Variants in PDE1A observed in about 807,000 individuals in gnomAD.
The protein encoded by PDE1A is phosphodiesterase 1A.
Under a neutral mutation model 61.7 loss-of-function variants are expected in PDE1A, and 35 were observed. The observed-to-expected ratio is 0.57, with a 90% CI of 0.43 to 0.75. PDE1A has a LOEUF of 0.75. PDE1A is among the 30% of genes least tolerant of loss of function. The pLI is 0.00. For missense variants in PDE1A, 597 were observed against 630.6 expected (o/e 0.95, Z 0.57); for synonymous variants, 232 against 213.2 (o/e 1.09, Z -0.77).
At chr2:182,142,534 T>G (rs1690276775), downstream of PDE1A, 1 of 152,204 alleles carries the variant, frequency 6.6e-6, no homozygotes, top group Non-Finnish European at 1.5e-5. Context: ...CCTGTCATTC[T>G]GTTCCCATGC....
At chr2:182,223,948 A>G in exon 7 of PDE1A, 1 of 1,603,780 alleles carries the variant, frequency 6.2e-7, no homozygotes, top group Non-Finnish European at 8.5e-7. Context: ...TAAAATTTCC[A>G]GTTCAGTGAG....
the PDE1A span, among the ~76,000 whole-genome samples, chr2:182,636,850 A>T: frequency 6.6e-6 from 1 of 152,172 alleles, no homozygotes; most frequent in African/African-American, 2.4e-5. Context: ...TGTTTGTAGC[A>T]TTAAGGTCCC....
chr2:182,218,877 C>A (rs549188208), intron 7 of PDE1A, among the ~76,000 whole-genome samples: 1 of 151,904 alleles, frequency 6.6e-6, no homozygotes, highest in African/African-American at 2.4e-5. Context: ...GTGTTTATGG[C>A]TTTTCCTTCT....
chr2:182,168,293 G>GA (rs78156757), intron 13 of PDE1A: 92,951 of 1,126,766 alleles, frequency 0.082, 21 homozygotes, highest in South Asian at 0.1. Flanking sequence ...TCTTGCTTCT[G>GA]AAAAAAAAAA....
chr2:182,360,292 C>T (rs1177191252), intron 1 of PDE1A, among the ~76,000 whole-genome samples: 1 of 151,994 alleles, frequency 6.6e-6, no homozygotes, highest in Admixed American at 6.6e-5. Context: ...CTTCTTTATC[C>T]CAGACTTTTA....
At chr2:182,536,566 A>G in the PDE1A span, among the ~76,000 whole-genome samples, 9 of 152,358 alleles carry the variant, frequency 5.9e-5, no homozygotes, top group East Asian at 1.7e-3. Flanking sequence ...CTAGTGATGA[A>G]AACAGAAAAT....
chr2:182,704,138 G>A, the PDE1A span, among the ~76,000 whole-genome samples: 1 of 151,276 alleles, frequency 6.6e-6, no homozygotes, highest in African/African-American at 2.4e-5. Flanking sequence ...TCGAATCCGG[G>A]GGGCAGAGGT....
chr2:182,240,366 G>A, intron 2 of PDE1A, 74 bp from the exon 3 acceptor site: 1 of 906,514 alleles, frequency 1.1e-6, no homozygotes, highest in Non-Finnish European at 1.6e-6. Flanking sequence ...AACAAGGATT[G>A]CAATGGGATT....
chr2:182,561,082 T>G, the PDE1A span, among the ~76,000 whole-genome samples: 81,448 of 133,366 alleles, frequency 0.61, 28,331 homozygotes, highest in East Asian at 0.94. Context: ...TTGTCAATTT[T>G]GGCTTTTGTT....
intron 7 of PDE1A, among the ~76,000 whole-genome samples, chr2:182,223,644 C>A (rs903811130): frequency 6.6e-6 from 1 of 151,854 alleles, no homozygotes; most frequent in Non-Finnish European, 1.5e-5. Context: ...TTTTCATGTT[C>A]TTTAAATTGC....
chr2:182,502,168 G>A (rs1689118036), intron 2 of PDE1A, among the ~76,000 whole-genome samples: 1 of 152,144 alleles, frequency 6.6e-6, no homozygotes, highest in Non-Finnish European at 1.5e-5. Context: ...AAAGTAACCA[G>A]AGTTTTCACC....
chr2:182,264,183 A>T, intron 2 of PDE1A, 118 bp downstream of exon 2: 1 of 593,234 alleles, frequency 1.7e-6, no homozygotes, highest in South Asian at 2.8e-5. Context: ...ATAAGATTTG[A>T]TTTTGGTTTC....
In PDE1A at chr2:182,339,813, C is replaced by A. The variant is rs1204245881; in HGVS notation, c.54-75399G>T. Among the ~76,000 whole-genome samples the A allele has an allele frequency of 3.3e-5, 5 of 152,146 alleles. No individual in the cohort carries two copies. The East Asian group carries it at 9.6e-4, about 29-fold the overall frequency. On this transcript the variant is annotated intron_variant, in intron 1 of 13. Transcript: ENST00000351439. ...ATGAAATTTTGATTTAGCAGGTCTACTCCATGTAGATTCCATGAAACTTTT... is the reference window on the plus strand; with the variant it reads ...ATGAAATTTTGATTTAGCAGGTCTAATCCATGTAGATTCCATGAAACTTTT...
intron 1 of PDE1A, among the ~76,000 whole-genome samples, chr2:182,385,283 G>A (rs764159947): frequency 2.4e-4 from 37 of 152,144 alleles, no homozygotes; most frequent in South Asian, 6.2e-4. Flanking sequence ...CTATAGTGGT[G>A]ATACACAAAT....
intron 2 of PDE1A, among the ~76,000 whole-genome samples, chr2:182,454,203 G>A (rs568792768): frequency 2.0e-5 from 3 of 152,218 alleles, no homozygotes; most frequent in Admixed American, 6.5e-5. Context: ...TCGGAATCCA[G>A]CTTACAAGGG....
At chr2:182,642,657 G>C in the PDE1A span, among the ~76,000 whole-genome samples, 1 of 152,088 alleles carries the variant, frequency 6.6e-6, no homozygotes, top group African/African-American at 2.4e-5. Flanking sequence ...AAAGGAATTG[G>C]GGAAGAGATG....
the PDE1A span, among the ~76,000 whole-genome samples, chr2:182,603,618 T>C: frequency 3.9e-5 from 6 of 152,084 alleles, no homozygotes; most frequent in African/African-American, 9.7e-5. Flanking sequence ...CCAAAGTGAG[T>C]TGAAGTTTAT....
chr2:182,328,856 T>C (rs1392164375), intron 1 of PDE1A, among the ~76,000 whole-genome samples: 2 of 152,122 alleles, frequency 1.3e-5, no homozygotes, highest in Non-Finnish European at 2.9e-5. Context: ...CAAAGTAACA[T>C]TGAAGAATGG....
intron 2 of PDE1A, among the ~76,000 whole-genome samples, chr2:182,521,384 T>C (rs1690556895): frequency 6.6e-6 from 1 of 152,058 alleles, no homozygotes; most frequent in African/African-American, 2.4e-5. Context: ...ATATTTTCAT[T>C]TGAGATCTGC....
Sources: gnomAD v4.1 joint callset for allele counts (sites outside exome capture counted in the v4.1 genomes callset) on GRCh38, gnomAD v4.1.1 for gene constraint, MANE v1.5 for transcripts, NCBI Gene and HGNC (gene_info 2026-07-23, HGNC 2026-07-21) for gene names.